GOSR2: variants seen among roughly 807,000 people sequenced by gnomAD.
GOSR2 encodes golgi SNAP receptor complex member 2, also known as 27 kDa Golgi SNARE protein.
Under a neutral mutation model 27.9 loss-of-function variants are expected in GOSR2, and 20 were observed. The observed-to-expected ratio is 0.72, with a 90% CI of 0.50 to 1.04. The LOEUF (loss-of-function observed/expected upper bound fraction) is 1.04, where lower values mean the gene tolerates loss of function less well. Among genes scored for constraint, GOSR2 ranks in the 50% least tolerant of loss-of-function variants. The pLI is 0.00. For missense variants in GOSR2, 261 were observed against 270.5 expected (o/e 0.97, Z 0.25); for synonymous variants, 91 against 98.8 (o/e 0.92, Z 0.47).
intron 6 of GOSR2, chr17:46,966,531 C>T: frequency 2.9e-6 from 2 of 688,196 alleles, no homozygotes; most frequent in Non-Finnish European, 5.3e-6. Flanking sequence ...GTATTTTTTG[C>T]AGAGACAAGG....
rs116434979 is a variant in GOSR2 at position 46,931,360 on chromosome 17, C to G, written c.203+153C>G. 1,054 of 667,406 alleles carry G rather than the reference C, an allele frequency of 1.6e-3. 12 individuals carry two copies. The African/African-American group carries it at 0.018, about 11-fold the overall frequency. 41.3% of individuals were successfully genotyped at this position (667,406 alleles called of 1,614,324 possible). On this transcript the variant is annotated intron_variant, in intron 3 of 5. Coordinates refer to ENST00000640051, the MANE Select transcript of GOSR2 (RefSeq NM_004287.5). ...AAAAGCCCCCTCAAAGGGCACAATT[C>G]TATCTGAGTGATGCCGCTCAAAATA...
chr17:46,960,928 G>C (rs563657199), intron 6 of GOSR2, among the ~76,000 whole-genome samples: 1 of 152,132 alleles, frequency 6.6e-6, no homozygotes, highest in African/African-American at 2.4e-5. Flanking sequence ...ACAACTCTAA[G>C]TATTTGTCAA....
At chr17:46,967,402 C>T (rs1404179508), downstream of GOSR2, among the ~76,000 whole-genome samples, 1 of 152,176 alleles carries the variant, frequency 6.6e-6, no homozygotes, top group African/African-American at 2.4e-5. Context: ...CATTAGCTGT[C>T]ATTACCAAGA....
chr17:46,941,098 T>A lies in GOSR2; in HGVS notation c.*2338T>A, dbSNP rs2089217603. 11 of 1,033,034 alleles carry A rather than the reference T, an allele frequency of 1.1e-5. No individual in the cohort carries two copies. The South Asian group carries it at 4.1e-4, about 39-fold the overall frequency. The allele number at this position is 1,033,034 out of a possible 1,614,324, so 64.0% of individuals were successfully genotyped here. A position where few individuals can be genotyped will look rare whatever the true frequency, so the allele number is the denominator to read the frequency against. ...TTGTACATGAGTTTGGTGTGCCTAT[T>A]GTGATTTAAAACAGGTGGGTTATCA... On this transcript the variant is annotated 3_prime_UTR_variant, in exon 6 of 6. Transcript: ENST00000640051.
intron 6 of GOSR2, among the ~76,000 whole-genome samples, chr17:46,958,897 A>C (rs570360234): frequency 6.6e-6 from 1 of 152,232 alleles, no homozygotes; most frequent in Non-Finnish European, 1.5e-5. Flanking sequence ...CTCTACAGTG[A>C]AATGTACAAC....
intron 5 of GOSR2, 169 bp downstream of exon 5, chr17:46,935,338 G>GCC: frequency 6.8e-7 from 1 of 1,479,474 alleles, no homozygotes; most frequent in Non-Finnish European, 8.9e-7. Context: ...GTTATTGTGA[G>GCC]CCTGAAAGTA....
intron 6 of GOSR2, among the ~76,000 whole-genome samples, chr17:46,957,506 A>G (rs2090796359): frequency 6.6e-6 from 1 of 151,656 alleles, no homozygotes; most frequent in Non-Finnish European, 1.5e-5. Context: ...CCAGCTACAC[A>G]GGAGGCTGAG....
At chr17:46,923,401 A>G in intron 1 of GOSR2, 180 bp downstream of exon 1, 14 of 1,454,346 alleles carry the variant, frequency 9.6e-6, no homozygotes, top group South Asian at 1.4e-5. Flanking sequence ...AGCCACAGAC[A>G]GTGGGTTCAG....
chr17:46,966,665 C>G (rs1286819399), exon 7 of GOSR2: 1 of 566,866 alleles, frequency 1.8e-6, no homozygotes, highest in African/African-American at 1.9e-5. Context: ...ACCTTTTGAA[C>G]TCAGGCTTGG....
At chr17:46,931,425 C>G (rs1223389743) in intron 3 of GOSR2, 1 of 580,578 alleles carries the variant, frequency 1.7e-6, no homozygotes, top group African/African-American at 1.9e-5. Context: ...CCTTGTGACC[C>G]CTTACCTCTT....
chr17:46,951,153 A>G (rs560826447), intron 6 of GOSR2, among the ~76,000 whole-genome samples: 1 of 152,168 alleles, frequency 6.6e-6, no homozygotes, highest in Non-Finnish European at 1.5e-5. Context: ...ATTGACAGAA[A>G]CTGGCACACG....
chr17:46,927,846 C>T (rs1489846570), intron 1 of GOSR2, among the ~76,000 whole-genome samples: 1 of 152,084 alleles, frequency 6.6e-6, no homozygotes, highest in Non-Finnish European at 1.5e-5. Context: ...TCTTTACCTC[C>T]CCCCTTTTTA....
chr17:46,953,601 T>C lies in GOSR2; in HGVS notation c.584-12933T>C, dbSNP rs548885030. Reference sequence around the variant, plus strand: ...CTGGGTCAAATGGTATTTCTAGTTCTAGATCCCTGAGGAATCGCCACACTG... The same window carrying C: ...CTGGGTCAAATGGTATTTCTAGTTCCAGATCCCTGAGGAATCGCCACACTG... On this transcript the variant is annotated intron_variant, in intron 6 of 6. Transcript: ENST00000573224. 3.2e-4 allele frequency among the ~76,000 whole-genome samples: 48 copies of C among 152,344 alleles called. No individual in the cohort carries two copies. The South Asian group carries it at 6.6e-3, about 21-fold the overall frequency.
At chr17:46,966,646 C>A (rs1351631800) in exon 7 of GOSR2, 2 of 599,374 alleles carry the variant, frequency 3.3e-6, no homozygotes, top group Admixed American at 2.6e-5. Context: ...ACCACCCTGA[C>A]CTCCAAATAC....
Position 46,929,688 on chromosome 17 carries a change from G to A in GOSR2, c.94+104G>A, listed in dbSNP as rs556096083. The A allele has an allele frequency of 1.1e-5, 8 of 722,316 alleles. No homozygotes were observed. The East Asian group carries it at 1.6e-4, about 14-fold the overall frequency. 44.7% of individuals were successfully genotyped at this position (722,316 alleles called of 1,614,324 possible). ...TGCCTTGGGGGCTTAATGATTCAGC[G>A]TGGAATGAGTTTTGTTGTTAGGGTG... On this transcript the variant is annotated intron_variant, in intron 2 of 5. Transcript: ENST00000640051.
At chr17:46,942,836 A>T (rs2089452904), downstream of GOSR2, among the ~76,000 whole-genome samples, 1 of 152,068 alleles carries the variant, frequency 6.6e-6, no homozygotes, top group Admixed American at 6.5e-5. Context: ...TTTCATATGG[A>T]AGGCACATGG....
intron 6 of GOSR2, among the ~76,000 whole-genome samples, chr17:46,965,531 A>G (rs754159668): frequency 5.3e-5 from 8 of 152,110 alleles, no homozygotes; most frequent in Non-Finnish European, 1.0e-4. Flanking sequence ...TTCCCCCTCA[A>G]CGTGACCTAA....
chr17:46,943,584 G>T (rs936953773), downstream of GOSR2, among the ~76,000 whole-genome samples: 1 of 152,196 alleles, frequency 6.6e-6, no homozygotes, highest in African/African-American at 2.4e-5. Flanking sequence ...GCTCCTCACC[G>T]CAGGGGCCTT....
At chr17:46,933,336 A>G (rs1412630892) in intron 4 of GOSR2, 3 of 152,262 alleles carry the variant, frequency 2.0e-5, no homozygotes, top group Non-Finnish European at 4.4e-5. Context: ...CCCATCAGCC[A>G]TACTGTTTTA....
Sources: allele counts gnomAD v4.1 joint callset (sites outside exome capture counted in the v4.1 genomes callset), GRCh38; gene constraint gnomAD v4.1.1; transcripts MANE v1.5; gene names NCBI Gene and HGNC (gene_info 2026-07-23, HGNC 2026-07-21).